The following MMP16 variants were observed in gnomAD, a reference collection of about 807,000 sequenced individuals.
The protein encoded by MMP16 is matrix metalloproteinase-16.
A neutral mutation model predicts 67.8 loss-of-function variants in MMP16; 12 were observed. The observed-to-expected ratio is 0.18, with a 90% CI of 0.11 to 0.29. MMP16 has a LOEUF of 0.29. Among genes scored for constraint, MMP16 ranks in the 10% least tolerant of loss-of-function variants. MMP16 has a pLI of 1.00. For missense variants in MMP16, 475 were observed against 765.7 expected (o/e 0.62, Z 4.48); for synonymous variants, 249 against 255.9 (o/e 0.97, Z 0.26).
chr8:88,198,785 T>C (rs1809296359), intron 1 of MMP16, among the ~76,000 whole-genome samples: 1 of 152,010 alleles, frequency 6.6e-6, no homozygotes, highest in Admixed American at 6.6e-5. Context: ...GGTGTATTAG[T>C]GAAACCTAAT....
At chr8:88,088,830 T>C (rs1808887391) in intron 6 of MMP16, among the ~76,000 whole-genome samples, 1 of 152,050 alleles carries the variant, frequency 6.6e-6, no homozygotes. Context: ...ATGATCACAA[T>C]CATTAACGAA....
chr8:88,199,838 C>T (rs1243010748), intron 1 of MMP16, among the ~76,000 whole-genome samples: 1 of 151,924 alleles, frequency 6.6e-6, no homozygotes, highest in Non-Finnish European at 1.5e-5. Context: ...AATACTTCAT[C>T]TCCTGGATTA....
chr8:88,236,402 T>A (rs1352560690), intron 1 of MMP16, among the ~76,000 whole-genome samples: 2 of 152,320 alleles, frequency 1.3e-5, no homozygotes, highest in Non-Finnish European at 1.5e-5. Context: ...TGACATTAGC[T>A]GCTGGTGGCA....
intron 1 of MMP16, among the ~76,000 whole-genome samples, chr8:88,311,153 C>T (rs1345577964): frequency 6.6e-6 from 1 of 151,876 alleles, no homozygotes; most frequent in East Asian, 1.9e-4. Flanking sequence ...AGAGACGGCT[C>T]ACTAATATTT....
chr8:88,056,790 C>T (rs1409410511), intron 7 of MMP16, among the ~76,000 whole-genome samples: 1 of 152,112 alleles, frequency 6.6e-6, no homozygotes, highest in Non-Finnish European at 1.5e-5. Context: ...ATACATTCAT[C>T]CTCCCTTGAC....
At position 88,254,193 on chromosome 8, in the gene MMP16, G is replaced by C. The variant is rs1260074079; in HGVS notation, c.133-56887C>G. Among the ~76,000 whole-genome samples the C allele has an allele frequency of 2.0e-5, 3 of 152,198 alleles. No homozygotes were observed. In the East Asian group the frequency reaches 5.8e-4, roughly 30 times the overall value. On this transcript the variant is annotated intron_variant, in intron 1 of 9. Coordinates refer to ENST00000286614, the MANE Select transcript of MMP16 (RefSeq NM_005941.5). ...GATAGAGCTGGAGGCCACTATCTTA[G>C]AAAATGAATGCAGGAACAAACAACT... is the stretch of plus-strand genomic sequence containing the variant.
At chr8:88,160,751 A>C (rs1216726300) in intron 4 of MMP16, among the ~76,000 whole-genome samples, 4 of 152,104 alleles carry the variant, frequency 2.6e-5, no homozygotes, top group Admixed American at 2.0e-4. Flanking sequence ...TAGAACTAGA[A>C]ATACCATTTG....
chr8:88,288,834 C>A (rs1292890957), intron 1 of MMP16, among the ~76,000 whole-genome samples: 1 of 152,148 alleles, frequency 6.6e-6, no homozygotes, highest in South Asian at 2.1e-4. Context: ...TTTACTCATT[C>A]ACTCTTCTCT....
At chr8:88,188,068 T>C (rs933482729) in intron 2 of MMP16, among the ~76,000 whole-genome samples, 1 of 152,184 alleles carries the variant, frequency 6.6e-6, no homozygotes, top group Non-Finnish European at 1.5e-5. Context: ...TATTTCACTA[T>C]ACTGTAAAAC....
In MMP16 at chr8:88,036,455, T is replaced by G. The variant is rs1215809676; in HGVS notation, c.*5006A>C. 1 of 151,914 alleles carries G rather than the reference T, an allele frequency of 6.6e-6. No homozygotes were observed. The allele number at this position is 151,914 out of a possible 1,614,324, so 9.4% of individuals were successfully genotyped here. A position where few individuals can be genotyped will look rare whatever the true frequency, so the allele number is the denominator to read the frequency against. On this transcript the variant is annotated 3_prime_UTR_variant, in exon 10 of 10. Transcript: ENST00000286614. Reference sequence around the variant, plus strand: ...AAATATAATAATTAGCTTTCATATTTGTTGCGTTGCTATTCCTGGTTGCCG... The same window carrying G: ...AAATATAATAATTAGCTTTCATATTGGTTGCGTTGCTATTCCTGGTTGCCG...
At chr8:88,213,678 C>T (rs1426887891) in intron 1 of MMP16, among the ~76,000 whole-genome samples, 1 of 152,124 alleles carries the variant, frequency 6.6e-6, no homozygotes, top group Non-Finnish European at 1.5e-5. Flanking sequence ...GTCCTAGATG[C>T]TATTTTCCCC....
At chr8:88,078,912 A>G (rs943200612) in intron 6 of MMP16, among the ~76,000 whole-genome samples, 12 of 152,066 alleles carry the variant, frequency 7.9e-5, no homozygotes, top group Admixed American at 6.6e-5. Context: ...CCTTTCTGAA[A>G]CAGCATCTCA....
intron 1 of MMP16, among the ~76,000 whole-genome samples, chr8:88,210,126 C>T (rs2129815584): frequency 6.6e-6 from 1 of 152,222 alleles, no homozygotes; most frequent in South Asian, 2.1e-4. Flanking sequence ...AGACTTCTAG[C>T]CTCCAAAACT....
intron 7 of MMP16, among the ~76,000 whole-genome samples, chr8:88,066,778 G>T (rs1162530273): frequency 6.6e-6 from 1 of 152,060 alleles, no homozygotes; most frequent in Non-Finnish European, 1.5e-5. Context: ...TAAAATACTT[G>T]TCCACTTACT....
At chr8:88,090,868 T>C (rs1206153691) in intron 6 of MMP16, among the ~76,000 whole-genome samples, 1 of 151,848 alleles carries the variant, frequency 6.6e-6, no homozygotes, top group Non-Finnish European at 1.5e-5. Context: ...ACACTGTTAC[T>C]ATTATCCTCA....
chr8:88,277,880 A>C (rs572445052), intron 1 of MMP16, among the ~76,000 whole-genome samples: 11 of 152,334 alleles, frequency 7.2e-5, no homozygotes, highest in African/African-American at 2.6e-4. Flanking sequence ...CTACCTCAAC[A>C]GTAGGTGTTC....
chr8:88,260,460 T>C (rs909695619), intron 1 of MMP16, among the ~76,000 whole-genome samples: 9 of 152,160 alleles, frequency 5.9e-5, no homozygotes, highest in Non-Finnish European at 1.0e-4. Context: ...ATTGAAACTC[T>C]CTGAATAGGC....
At chr8:88,268,054 A>G (rs1277457073) in intron 1 of MMP16, among the ~76,000 whole-genome samples, 1 of 152,226 alleles carries the variant, frequency 6.6e-6, no homozygotes, top group African/African-American at 2.4e-5. Flanking sequence ...ACCATAAAAA[A>G]TTCCTAGGCC....
intron 1 of MMP16, among the ~76,000 whole-genome samples, chr8:88,248,811 A>G (rs1466358919): frequency 6.6e-5 from 10 of 150,572 alleles, no homozygotes; most frequent in Non-Finnish European, 1.5e-5. Context: ...AAAAAAAATT[A>G]CTGTTTCCCA....
Sources: gnomAD v4.1 joint callset for allele counts (sites outside exome capture counted in the v4.1 genomes callset) on GRCh38, gnomAD v4.1.1 for gene constraint, MANE v1.5 for transcripts, NCBI Gene and HGNC (gene_info 2026-07-23, HGNC 2026-07-21) for gene names.